GREB1: variants seen among roughly 807,000 people sequenced by gnomAD.
The protein encoded by GREB1 is growth regulating estrogen receptor binding 1.
Under a neutral mutation model 200.7 loss-of-function variants are expected in GREB1, and 106 were observed. The ratio of observed to expected loss-of-function variants is 0.53; its 90% CI spans 0.45 to 0.62. GREB1 has a LOEUF of 0.62. Ranked by LOEUF, GREB1 falls within the 20% of genes least tolerant of loss-of-function variation. The pLI is 0.00. For missense variants in GREB1, 2,243 were observed against 2,556.8 expected (o/e 0.88, Z 2.65); for synonymous variants, 1,132 against 1,092.4 (o/e 1.04, Z -0.72).
chr2:11,618,252 T>G, intron 21 of GREB1, 36 bp from the exon 22 acceptor site: 1 of 1,099,028 alleles, frequency 9.1e-7, no homozygotes, highest in Non-Finnish European at 1.1e-6. Flanking sequence ...ACAGGTACCT[T>G]CTAGGACGTC....
At chr2:11,555,724 G>A (rs1558537907) in intron 1 of GREB1, among the ~76,000 whole-genome samples, 2 of 152,192 alleles carry the variant, frequency 1.3e-5, no homozygotes, top group African/African-American at 4.8e-5. Context: ...CCTCCAGCTG[G>A]AGGGGTTGGA....
chr2:11,490,744 T>C (rs1365320646), intron 1 of GREB1, among the ~76,000 whole-genome samples: 1 of 138,518 alleles, frequency 7.2e-6, no homozygotes, highest in East Asian at 2.0e-4. Flanking sequence ...AGACAGGGTT[T>C]TGCCATGTTG....
intron 14 of GREB1, among the ~76,000 whole-genome samples, chr2:11,598,196 C>T (rs2148222820): frequency 6.6e-6 from 1 of 152,356 alleles, no homozygotes; most frequent in East Asian, 1.9e-4. Flanking sequence ...CACCATGTCC[C>T]ACTCAGGCTA....
chr2:11,630,546 A>G (rs1379042957), intron 26 of GREB1, among the ~76,000 whole-genome samples: 1 of 152,150 alleles, frequency 6.6e-6, no homozygotes, highest in Non-Finnish European at 1.5e-5. Context: ...AGCACAGTGA[A>G]TCCCTAGGGC....
intron 15 of GREB1, among the ~76,000 whole-genome samples, chr2:11,599,375 T>C (rs935869602): frequency 2.0e-5 from 3 of 150,556 alleles, no homozygotes; most frequent in African/African-American, 7.3e-5. Context: ...AGTCTCACTC[T>C]GTCGCCCAGG....
rs1221786952 is a variant in GREB1 at position 11,581,053 on chromosome 2, A to C, written c.901+221A>C. 6 of 676,968 alleles carry C rather than the reference A, an allele frequency of 8.9e-6. No homozygotes were observed. In the Admixed American group the frequency reaches 1.1e-4, roughly 12 times the overall value. The allele number at this position is 676,968 out of a possible 1,614,324, so 41.9% of individuals were successfully genotyped here. On this transcript the variant is annotated intron_variant, in intron 7 of 32. Coordinates refer to ENST00000381486, the MANE Select transcript of GREB1 (RefSeq NM_014668.4). ...CACTTGGGAGTTACCGTATGTGCCAAGGAGCAGTGAGACACCTGTGGTAAT... is the reference window on the plus strand; with the variant it reads ...CACTTGGGAGTTACCGTATGTGCCACGGAGCAGTGAGACACCTGTGGTAAT...
chr2:11,567,574 A>C (rs952282923), intron 4 of GREB1, among the ~76,000 whole-genome samples: 5 of 152,060 alleles, frequency 3.3e-5, no homozygotes, highest in Non-Finnish European at 7.4e-5. Flanking sequence ...CGTGGTCTTG[A>C]CCATGTTGTG....
chr2:11,535,313 C>T (rs1674240232), intron 1 of GREB1, among the ~76,000 whole-genome samples: 1 of 152,172 alleles, frequency 6.6e-6, no homozygotes, highest in Admixed American at 6.6e-5. Flanking sequence ...GTTTATGAAA[C>T]CTGAACCTCT....
At chr2:11,577,975 TC>T (rs1679049097) in intron 5 of GREB1, among the ~76,000 whole-genome samples, 1 of 152,198 alleles carries the variant, frequency 6.6e-6, no homozygotes, top group South Asian at 2.1e-4. Context: ...TGGTATCATT[TC>T]TTTATCTTCA....
At chr2:11,586,305 T>A (rs1396779831) in intron 9 of GREB1, among the ~76,000 whole-genome samples, 1 of 152,254 alleles carries the variant, frequency 6.6e-6, no homozygotes, top group Admixed American at 6.5e-5. Flanking sequence ...TGGTGGGTTG[T>A]CTCCTGTTAT....
chr2:11,596,310 C>A, intron 13 of GREB1, 71 bp downstream of exon 13: 2 of 1,402,774 alleles, frequency 1.4e-6, no homozygotes, highest in South Asian at 1.3e-5. Flanking sequence ...GGTCAGTGGG[C>A]GCAGGTGTGC....
intron 10 of GREB1, among the ~76,000 whole-genome samples, chr2:11,590,073 G>T (rs926647726): frequency 2.0e-5 from 3 of 152,150 alleles, no homozygotes; most frequent in African/African-American, 7.2e-5. Context: ...CAAGGTTTGG[G>T]CCTGGGGACC....
chr2:11,638,888 T>G (rs930452845), intron 32 of GREB1, 79 bp downstream of exon 32: 37 of 1,439,690 alleles, frequency 2.6e-5, no homozygotes, highest in Admixed American at 7.9e-5. Context: ...GGACCTTTGG[T>G]CCTAGTCCTT....
chr2:11,601,521 C>T (rs1681780538), intron 16 of GREB1, among the ~76,000 whole-genome samples: 1 of 152,166 alleles, frequency 6.6e-6, no homozygotes, highest in Non-Finnish European at 1.5e-5. Context: ...TAAAACAATC[C>T]TGGTAATTTG....
At chr2:11,485,170 G>T (rs553740435) in intron 1 of GREB1, among the ~76,000 whole-genome samples, 1 of 152,032 alleles carries the variant, frequency 6.6e-6, no homozygotes, top group Non-Finnish European at 1.5e-5. Context: ...AAATGATTCC[G>T]ATTCATGAAG....
At chr2:11,573,498 C>T (rs1049740204) in intron 4 of GREB1, among the ~76,000 whole-genome samples, 12 of 152,174 alleles carry the variant, frequency 7.9e-5, no homozygotes, top group Admixed American at 3.3e-4. Context: ...CTGAAGAGAA[C>T]GGCTCATTAT....
Position 11,632,958 on chromosome 2 carries a change from A to T in GREB1, c.4886A>T (p.Glu1629Val). 6.2e-7 allele frequency: 1 copy of T among 1,614,074 alleles called. No homozygotes were observed. The highest frequency in any genetic ancestry group is 8.5e-7 in the Non-Finnish European group (1 of 1,180,018). The change falls in exon 28 of 33, where the codon GAG becomes GTG. Residue 1629 changes from glutamate to valine, a missense_variant. Physicochemically the swap from Glu to Val is moderately radical, Grantham distance 121. This residue lies in a region of GREB1 where 478 missense variants were observed against 616.3 expected (regional missense o/e 0.78). Transcript: ENST00000381486. ...NLELERNRQEELGIKPQDIWP... is the reference protein window; with the variant it reads ...NLELERNRQEVLGIKPQDIWP... ...GAGCTCGAGCGGAACCGGCAGGAGG[A>T]GCTGGGAATCAAGCCGCAGGACATC...
intron 17 of GREB1, among the ~76,000 whole-genome samples, chr2:11,607,446 GTGTGTGTGTGTGTGTA>G (rs1326236640): frequency 1.9e-4 from 20 of 106,140 alleles, no homozygotes; most frequent in Admixed American, 7.8e-4. Context: ...GTGTGTGTGT[GTGTGTGTGTGTGTGTA>G]TATATATATA....
rs1679594584 is a variant in GREB1, at chr2:11,582,465, T to C, written c.901+1633T>C. ...CCTGTCTCCATGCTCTGTGCCTGCG[T>C]CCCGGCTCTGGGCTGCTCTCTCCAC... is the stretch of plus-strand genomic sequence containing the variant. On this transcript the variant is annotated intron_variant, in intron 7 of 32. Transcript: ENST00000381486. Among the ~76,000 whole-genome samples, 4 of 152,200 alleles carry C rather than the reference T, an allele frequency of 2.6e-5. No individual in the cohort carries two copies. The South Asian group carries it at 8.3e-4, about 31-fold the overall frequency.
Sources: gnomAD v4.1 joint callset for allele counts (sites outside exome capture counted in the v4.1 genomes callset) on GRCh38, gnomAD v4.1.1 for gene constraint, gnomAD v4.1.1 regional missense constraint, MANE v1.5 for transcripts, NCBI Gene and HGNC (gene_info 2026-07-23, HGNC 2026-07-21) for gene names.